EPHA5: variants seen among roughly 807,000 people sequenced by gnomAD.
EPHA5 encodes EPH receptor A5.
Under a neutral mutation model 105.0 loss-of-function variants are expected in EPHA5, and 60 were observed. The ratio of observed to expected loss-of-function variants is 0.57; its 90% CI spans 0.46 to 0.71. EPHA5 has a LOEUF of 0.71. Ranked by LOEUF, EPHA5 falls within the 30% of genes least tolerant of loss-of-function variation. EPHA5 has a pLI of 0.00. For synonymous variants in EPHA5, 513 were observed against 449.1 expected, an observed-to-expected ratio of 1.14 and a Z score of -1.80; for missense variants, 1,218 against 1,274.7, an observed-to-expected ratio of 0.96 and a Z score of 0.68.
chr4:65,372,924 A>G (rs1054086425), intron 8 of EPHA5, among the ~76,000 whole-genome samples: 4 of 151,954 alleles, frequency 2.6e-5, no homozygotes, highest in African/African-American at 9.7e-5. Context: ...GGAAAACCTG[A>G]ACAATTTCAA....
chr4:65,508,962 C>T (rs1339056683), intron 3 of EPHA5, among the ~76,000 whole-genome samples: 1 of 152,198 alleles, frequency 6.6e-6, no homozygotes, highest in East Asian at 1.9e-4. Context: ...AAACTGTATG[C>T]TGAGAATTAA....
intron 5 of EPHA5, among the ~76,000 whole-genome samples, chr4:65,466,380 G>C (rs558857172): frequency 2.6e-5 from 4 of 152,308 alleles, no homozygotes; most frequent in African/African-American, 9.6e-5. Flanking sequence ...GAAAGCATTG[G>C]GAGACGAGGT....
At chr4:65,488,998 G>C (rs1050698352) in intron 5 of EPHA5, among the ~76,000 whole-genome samples, 1 of 147,500 alleles carries the variant, frequency 6.8e-6, no homozygotes, top group African/African-American at 2.5e-5. Flanking sequence ...CCATTCTCCT[G>C]CCTCAGCCTC....
At chr4:65,522,107 A>G (rs982973622) in intron 3 of EPHA5, among the ~76,000 whole-genome samples, 1 of 151,928 alleles carries the variant, frequency 6.6e-6, no homozygotes, top group Non-Finnish European at 1.5e-5. Context: ...ACTGATTAAA[A>G]TATGCCAGAA....
At chr4:65,359,556 T>A (rs559512327) in intron 11 of EPHA5, among the ~76,000 whole-genome samples, 27 of 150,646 alleles carry the variant, frequency 1.8e-4, no homozygotes, top group African/African-American at 6.0e-4. Flanking sequence ...TTGCAACTCC[T>A]TTTTTGGAGG....
At chr4:65,573,926 A>G (rs1740515793) in intron 3 of EPHA5, 1 of 1,606,912 alleles carries the variant, frequency 6.2e-7, no homozygotes, top group Admixed American at 1.7e-5. Flanking sequence ...TCCTCACTGG[A>G]CGCCACAGGG....
At chr4:65,440,296 T>G (rs1462856952) in intron 5 of EPHA5, among the ~76,000 whole-genome samples, 1 of 152,028 alleles carries the variant, frequency 6.6e-6, no homozygotes, top group Non-Finnish European at 1.5e-5. Flanking sequence ...TTAAAAAGTT[T>G]CTTCAATAAA....
At position 65,643,788 on chromosome 4, in the gene EPHA5, G is replaced by A. The variant is rs148533871; in HGVS notation, c.182-361C>T. ...GCCTTGTACAAAGCTCGAGGTTTTGGGATTAAGCTGCAGCCATAAAATTGG... is the reference window on the plus strand; with the variant it reads ...GCCTTGTACAAAGCTCGAGGTTTTGAGATTAAGCTGCAGCCATAAAATTGG... On this transcript the variant is annotated intron_variant, in intron 1 of 16. Transcript: ENST00000613740. Among the ~76,000 whole-genome samples the A allele has an allele frequency of 1.6e-3, 246 of 151,878 alleles. 2 individuals carry two copies. Among genetic ancestry groups the A allele is most frequent in the African/African-American group, 5.7e-3 (237 of 41,476 alleles).
At chr4:65,559,124 C>T (rs1242293275) in intron 3 of EPHA5, among the ~76,000 whole-genome samples, 1 of 151,994 alleles carries the variant, frequency 6.6e-6, no homozygotes, top group African/African-American at 2.4e-5. Flanking sequence ...TATTTTCTCT[C>T]TTTTTAAAAT....
chr4:65,385,940 T>A (rs1055694094), intron 8 of EPHA5, among the ~76,000 whole-genome samples: 1 of 151,880 alleles, frequency 6.6e-6, no homozygotes, highest in Non-Finnish European at 1.5e-5. Flanking sequence ...ATAATACCCG[T>A]GTAGCTGCTT....
At chr4:65,350,323 C>G (rs1001466370) in intron 13 of EPHA5, among the ~76,000 whole-genome samples, 1 of 151,906 alleles carries the variant, frequency 6.6e-6, no homozygotes, top group Non-Finnish European at 1.5e-5. Flanking sequence ...TACTTTCTCC[C>G]TTCAACAAAG....
intron 11 of EPHA5, among the ~76,000 whole-genome samples, chr4:65,355,663 G>T (rs1316503170): frequency 6.6e-6 from 1 of 151,464 alleles, no homozygotes; most frequent in Non-Finnish European, 1.5e-5. Flanking sequence ...TTATACCAGC[G>T]ATAATGCTGA....
chr4:65,410,391 A>G (rs1466945756), intron 7 of EPHA5, among the ~76,000 whole-genome samples: 4 of 152,312 alleles, frequency 2.6e-5, no homozygotes, highest in Middle Eastern at 3.4e-3. Flanking sequence ...CAGCAGATGA[A>G]TGGTTTCCAG....
intron 8 of EPHA5, among the ~76,000 whole-genome samples, chr4:65,368,206 C>T (rs759092117): frequency 1.3e-5 from 2 of 152,052 alleles, no homozygotes; most frequent in South Asian, 4.1e-4. Context: ...AGGTCCTCCA[C>T]GTGAACCTCT....
intron 5 of EPHA5, among the ~76,000 whole-genome samples, chr4:65,444,218 C>T (rs915653671): frequency 1.3e-5 from 2 of 152,098 alleles, no homozygotes; most frequent in Admixed American, 1.3e-4. Flanking sequence ...TAGGGAAAAT[C>T]ACTTACCCGT....
Position 65,498,576 on chromosome 4 carries a change from G to A in EPHA5, c.911-3033C>T, listed in dbSNP as rs1031754065. ...TCCAGTAGTGATCAATAAAACGAGG[G>A]GAATTCAAGAAATGAGAATGGGGTA... On this transcript the variant is annotated intron_variant, in intron 3 of 16. Transcript: ENST00000613740. Among the ~76,000 whole-genome samples the A allele has an allele frequency of 3.3e-5, 5 of 151,670 alleles. No homozygotes were observed. In the East Asian group the frequency reaches 9.7e-4, roughly 29 times the overall value.
At chr4:65,657,741 C>T (rs1005017685) in intron 1 of EPHA5, among the ~76,000 whole-genome samples, 2 of 151,850 alleles carry the variant, frequency 1.3e-5, no homozygotes, top group African/African-American at 4.8e-5. Context: ...TTTAAAGAAA[C>T]AAATAAGTTA....
chr4:65,391,579 C>A (rs902687748), intron 8 of EPHA5, among the ~76,000 whole-genome samples: 1 of 152,030 alleles, frequency 6.6e-6, no homozygotes, highest in African/African-American at 2.4e-5. Context: ...TAGGGCAGTG[C>A]TATTGATTTT....
intron 2 of EPHA5, among the ~76,000 whole-genome samples, chr4:65,624,925 G>A (rs1024438339): frequency 1.6e-4 from 25 of 152,104 alleles, no homozygotes; most frequent in Non-Finnish European, 4.4e-5. Flanking sequence ...AACAGCTTAT[G>A]TCACATAGCA....
Sources: gnomAD v4.1 joint callset for allele counts (sites outside exome capture counted in the v4.1 genomes callset) on GRCh38, gnomAD v4.1.1 for gene constraint, MANE v1.5 for transcripts, NCBI Gene and HGNC (gene_info 2026-07-23, HGNC 2026-07-21) for gene names.